Variants in FANK1 observed in about 807,000 individuals in gnomAD.
FANK1 encodes fibronectin type III and ankyrin repeat domains 1.
A neutral mutation model predicts 45.3 loss-of-function variants in FANK1; 44 were observed. The ratio of observed to expected loss-of-function variants is 0.97; its 90% CI spans 0.76 to 1.25. The LOEUF (loss-of-function observed/expected upper bound fraction) is 1.25. Among genes scored for constraint, FANK1 ranks in the 50% most tolerant of loss-of-function variants. FANK1 has a pLI of 0.00. For missense variants in FANK1, 391 were observed against 424.4 expected, an observed-to-expected ratio of 0.92 and a Z score of 0.69; for synonymous variants, 149 against 152.5, an observed-to-expected ratio of 0.98 and a Z score of 0.17.
rs576002937 is a variant in FANK1 at position 125,913,793 on chromosome 10, G to A, written c.13+17138G>A. On this transcript the variant is annotated intron_variant, in intron 1 of 10. Transcript: ENST00000368693. ...GGAGGCTGAGACCCACCTTGCAGGG[G>A]TCTTGTGAAGATTAAATGCAGTGCT... Among the ~76,000 whole-genome samples the A allele has an allele frequency of 5.8e-4, 89 of 152,284 alleles. 1 individual carries two copies. Among genetic ancestry groups the A allele is most frequent in the East Asian group, 4.1e-3 (21 of 5,176 alleles).
At chr10:125,911,468 A>G (rs1324618289) in intron 1 of FANK1, among the ~76,000 whole-genome samples, 1 of 152,242 alleles carries the variant, frequency 6.6e-6, no homozygotes, top group Non-Finnish European at 1.5e-5. Flanking sequence ...GCAATAGGAA[A>G]CTTAGAAGAG....
rs180803952 is a variant in FANK1, at chr10:125,958,815, T to C, written c.14-21346T>C. Among the ~76,000 whole-genome samples, 1,234 of 152,316 alleles carry C rather than the reference T, an allele frequency of 8.1e-3. 26 individuals are homozygous for C. The highest frequency in any genetic ancestry group is 8.6e-3 in the Non-Finnish European group (583 of 68,034). On this transcript the variant is annotated intron_variant, in intron 1 of 10. Transcript: ENST00000368693. ...GAAATGTCTTTAGATCATTTGCCTA[T>C]ATTTAAGTTGCATAGTTTGAGAATA...
intron 1 of FANK1, among the ~76,000 whole-genome samples, chr10:125,964,175 A>C (rs1950081287): frequency 7.0e-6 from 1 of 143,684 alleles, no homozygotes; most frequent in African/African-American, 2.6e-5. Context: ...AGATTATATC[A>C]TTCTCTCTCT....
At chr10:125,985,736 A>G (rs1169965919) in intron 2 of FANK1, among the ~76,000 whole-genome samples, 1 of 152,160 alleles carries the variant, frequency 6.6e-6, no homozygotes, top group East Asian at 1.9e-4. Context: ...TAGGGTGTTG[A>G]TGGCTTGTTT....
At position 125,996,507 on chromosome 10, in the gene FANK1, G is replaced by A; in HGVS notation, c.399-43G>A. 1.9e-6 allele frequency: 3 copies of A among 1,591,404 alleles called. No homozygotes were observed. The South Asian group carries it at 3.3e-5, about 18-fold the overall frequency. On this transcript the variant is annotated intron_variant, in intron 4 of 10. Transcript: ENST00000368693. ...AACCACCGGCTTTGACTCTGCAGTA[G>A]CTGTACTGAGCATGTTTATCTCTTT... is the stretch of plus-strand genomic sequence containing the variant.
intron 1 of FANK1, among the ~76,000 whole-genome samples, chr10:125,970,779 G>A (rs951703927): frequency 4.6e-5 from 7 of 152,200 alleles, no homozygotes; most frequent in African/African-American, 1.7e-4. Flanking sequence ...GTCCAGCCTC[G>A]GCAACAGAGG....
chr10:125,922,508 G>A (rs1250204492), intron 1 of FANK1, among the ~76,000 whole-genome samples: 2 of 152,178 alleles, frequency 1.3e-5, no homozygotes, highest in Non-Finnish European at 2.9e-5. Context: ...ATCACAGGTG[G>A]TCAGTACATC....
chr10:125,991,609 G>T (rs1951948331), intron 3 of FANK1, among the ~76,000 whole-genome samples: 1 of 152,182 alleles, frequency 6.6e-6, no homozygotes, highest in African/African-American at 2.4e-5. Context: ...ACAGAGGCAT[G>T]CACTTTGTTT....
At chr10:125,957,918 T>C (rs979584219) in intron 1 of FANK1, among the ~76,000 whole-genome samples, 8 of 152,024 alleles carry the variant, frequency 5.3e-5, no homozygotes, top group African/African-American at 1.9e-4. Flanking sequence ...ATTTAAAAAA[T>C]TGGTTTCTTT....
chr10:125,953,049 G>C (rs1171138844), intron 1 of FANK1, among the ~76,000 whole-genome samples: 1 of 152,182 alleles, frequency 6.6e-6, no homozygotes, highest in Non-Finnish European at 1.5e-5. Flanking sequence ...ACTTGCATGT[G>C]CATTGGAATG....
At chr10:125,955,432 C>T (rs893033269) in intron 1 of FANK1, among the ~76,000 whole-genome samples, 1 of 152,162 alleles carries the variant, frequency 6.6e-6, no homozygotes, top group African/African-American at 2.4e-5. Flanking sequence ...AGGATATGAT[C>T]TTGTTCCTTT....
At chr10:126,001,144 T>A (rs1952725441) in intron 6 of FANK1, among the ~76,000 whole-genome samples, 2 of 152,288 alleles carry the variant, frequency 1.3e-5, no homozygotes, top group East Asian at 1.9e-4. Context: ...GAAATGCAAA[T>A]ACGATTAGTA....
chr10:126,000,156 G>C (rs1952650944), intron 6 of FANK1, among the ~76,000 whole-genome samples: 2 of 152,272 alleles, frequency 1.3e-5, no homozygotes, highest in South Asian at 4.2e-4. Context: ...TGCCAGAATG[G>C]CAAGATTGAC....
At chr10:125,942,323 A>G (rs1341085655) in intron 1 of FANK1, among the ~76,000 whole-genome samples, 4 of 152,242 alleles carry the variant, frequency 2.6e-5, no homozygotes, top group Admixed American at 2.0e-4. Context: ...AGCAAACCAC[A>G]TGGGACATGT....
At chr10:125,961,158 G>A (rs1269506756) in intron 1 of FANK1, among the ~76,000 whole-genome samples, 6 of 152,138 alleles carry the variant, frequency 3.9e-5, no homozygotes, top group African/African-American at 1.4e-4. Flanking sequence ...CCAGGCTGGA[G>A]TGCAATGGCA....
intron 1 of FANK1, among the ~76,000 whole-genome samples, chr10:125,943,444 C>A (rs1948579884): frequency 6.6e-6 from 1 of 152,126 alleles, no homozygotes; most frequent in South Asian, 2.1e-4. Context: ...TATCTATCTT[C>A]AACATTTTCA....
intron 4 of FANK1, 66 bp downstream of exon 4, chr10:125,995,564 T>A: frequency 6.9e-7 from 1 of 1,457,386 alleles, no homozygotes; most frequent in Non-Finnish European, 9.6e-7. Context: ...ATACATGCAG[T>A]AGTTTCATTT....
intron 1 of FANK1, among the ~76,000 whole-genome samples, chr10:125,898,666 A>G (rs1457010961): frequency 1.3e-5 from 2 of 152,024 alleles, no homozygotes; most frequent in Non-Finnish European, 2.9e-5. Flanking sequence ...GAAATGAGAT[A>G]AGGCTGGAAA....
chr10:125,954,215 G>A lies in FANK1; in HGVS notation c.14-25946G>A, dbSNP rs570408002. On this transcript the variant is annotated intron_variant, in intron 1 of 10. Coordinates refer to ENST00000368693, the MANE Select transcript of FANK1 (RefSeq NM_145235.5). ...CGACAGGAGGGGTAATTTACAGAGC[G>A]GGTAGCAGATGTGGGCTCTGTAGAT... 1.0e-4 allele frequency among the ~76,000 whole-genome samples: 14 copies of A among 139,682 alleles called. No individual in the cohort carries two copies. In the South Asian group the frequency reaches 3.1e-3, roughly 31 times the overall value. 91.6% of individuals were successfully genotyped at this position (139,682 alleles called of 152,430 possible). A position where few individuals can be genotyped will look rare whatever the true frequency, so the allele number is the denominator to read the frequency against.
Sources: allele counts gnomAD v4.1 joint callset (sites outside exome capture counted in the v4.1 genomes callset), GRCh38; gene constraint gnomAD v4.1.1; transcripts MANE v1.5; gene names NCBI Gene and HGNC (gene_info 2026-07-23, HGNC 2026-07-21).